HSP90AA1: variants seen among roughly 807,000 people sequenced by gnomAD.
The protein encoded by HSP90AA1 is heat shock protein 90 alpha family class A member 1, also known as heat shock protein HSP 90-alpha.
In HSP90AA1, 18 loss-of-function variants were observed where a neutral mutation model predicts 73.3. The ratio of observed to expected loss-of-function variants is 0.25; its 90% confidence interval spans 0.17 to 0.36. HSP90AA1 has a LOEUF of 0.36. Ranked by LOEUF, HSP90AA1 falls within the 10% of genes least tolerant of loss-of-function variation. The pLI is 1.00. For synonymous variants in HSP90AA1, 477 were observed against 296.9 expected (o/e 1.61, Z -6.24); for missense variants, 704 against 874.2 (o/e 0.81, Z 2.45).
upstream of HSP90AA1, among the ~76,000 whole-genome samples, chr14:102,088,178 T>C (rs1291998750): frequency 2.0e-5 from 3 of 152,154 alleles, no homozygotes; most frequent in Non-Finnish European, 4.4e-5. Flanking sequence ...TTGCCCAGGC[T>C]GGAAAAGCCA....
intron 1 of HSP90AA1, among the ~76,000 whole-genome samples, chr14:102,119,214 A>C (rs1157222307): frequency 6.6e-6 from 1 of 152,070 alleles, no homozygotes; most frequent in East Asian, 1.9e-4. Context: ...CTAGTATCCA[A>C]ACTATCCAAA....
intron 2 of HSP90AA1, among the ~76,000 whole-genome samples, chr14:102,098,224 TG>T (rs1395205887): frequency 2.0e-5 from 3 of 151,972 alleles, no homozygotes; most frequent in Non-Finnish European, 4.4e-5. Context: ...TGCAGTGGCC[TG>T]ATCTCGGCTC....
chr14:102,089,593 A>C (rs550758192), upstream of HSP90AA1, among the ~76,000 whole-genome samples: 8 of 152,090 alleles, frequency 5.3e-5, no homozygotes, highest in African/African-American at 1.9e-4. Context: ...CCCCCAGGAA[A>C]TCTTGTCCAG....
chr14:102,136,567 C>CAA (rs1165638280), intron 1 of HSP90AA1, among the ~76,000 whole-genome samples: 35,299 of 53,020 alleles, frequency 0.67, 12,702 homozygotes, highest in East Asian at 0.83. Flanking sequence ...AGACTCGTCT[C>CAA]AAAAAAAAAA....
chr14:102,103,809 C>CAA (rs200871890), intron 1 of HSP90AA1, among the ~76,000 whole-genome samples: 30 of 106,844 alleles, frequency 2.8e-4, no homozygotes, highest in Admixed American at 7.5e-4. Context: ...CGTCTCAAAA[C>CAA]AAAAAAAAAA....
rs769949267 is a variant in HSP90AA1 at position 102,085,768 on chromosome 14, C to T, written c.519G>A (p.Arg173=). 1.9e-6 allele frequency: 3 copies of T among 1,613,990 alleles called. No homozygotes were observed. The highest frequency in any genetic ancestry group is 1.7e-5 in the Admixed American group (1 of 60,010). Residue 173 remains arginine (R), a synonymous_variant, in exon 3 of 11, where the codon AGG becomes AGA. Coordinates refer to ENST00000216281, the MANE Select transcript of HSP90AA1 (RefSeq NM_005348.4). ...TGTTCAGGTGCCTACCTGTGTCTGT[C>T]CTCACTGTGAATGATCCCCCTGCTG... The part of the protein sequence containing the change: ...ESSAGGSFTV[R]TDTGEPMGRG...
At chr14:102,124,085 TTTATC>T (rs2049812060) in intron 1 of HSP90AA1, among the ~76,000 whole-genome samples, 1 of 152,094 alleles carries the variant, frequency 6.6e-6, no homozygotes, top group Admixed American at 6.6e-5. Context: ...GTCCAGCCTA[TTTATC>T]TTATTTTGTT....
chr14:102,085,666 T>C lies in HSP90AA1; in HGVS notation c.529+92A>G, dbSNP rs538732055. The stretch of plus-strand genomic sequence containing the variant: ...TCCTGATCGTTGGGCAAACACAAAT[T>C]CTGTAAGCTTCACCGCATCCCCAGG... On this transcript the variant is annotated intron_variant, in intron 3 of 10. Coordinates refer to ENST00000216281, the MANE Select transcript of HSP90AA1 (RefSeq NM_005348.4). 1.8e-4 allele frequency: 278 copies of C among 1,576,132 alleles called. 1 individual carries two copies. The highest frequency in any genetic ancestry group is 2.3e-4 in the Non-Finnish European group (268 of 1,147,584).
chr14:102,115,358 T>TA (rs1389048744), intron 1 of HSP90AA1, among the ~76,000 whole-genome samples: 1 of 151,916 alleles, frequency 6.6e-6, no homozygotes, highest in Non-Finnish European at 1.5e-5. Flanking sequence ...AAATAAACCT[T>TA]AGACTTCTGC....
intron 1 of HSP90AA1, among the ~76,000 whole-genome samples, chr14:102,119,380 T>C (rs1883452151): frequency 6.6e-6 from 1 of 152,186 alleles, no homozygotes; most frequent in Non-Finnish European, 1.5e-5. Flanking sequence ...AAAATTTTCA[T>C]CATAAAGATC....
At chr14:102,090,644 G>A (rs554939310), upstream of HSP90AA1, among the ~76,000 whole-genome samples, 2 of 152,148 alleles carry the variant, frequency 1.3e-5, no homozygotes, top group East Asian at 1.9e-4. Flanking sequence ...GTAGAGAGGG[G>A]GTTTCACCGT....
chr14:102,086,509 A>G (rs1307476322), intron 1 of HSP90AA1, 131 bp from the exon 2 acceptor site: 4 of 1,034,346 alleles, frequency 3.9e-6, no homozygotes, highest in African/African-American at 1.6e-5. Context: ...CCGAAAATAG[A>G]AGGGCGGCTG....
intron 2 of HSP90AA1, among the ~76,000 whole-genome samples, chr14:102,100,295 T>C (rs1027234213): frequency 1.3e-5 from 2 of 152,150 alleles, no homozygotes; most frequent in African/African-American, 4.8e-5. Context: ...AGGATAGCAG[T>C]GTTAGGAGCG....
intron 1 of HSP90AA1, among the ~76,000 whole-genome samples, chr14:102,114,647 TAATCCCCATTTTC>T (rs1156423317): frequency 1.6e-4 from 25 of 152,294 alleles, no homozygotes; most frequent in African/African-American, 4.8e-4. Flanking sequence ...CACACTCACG[TAATCCCCATTTTC>T]AAGAGACTAC....
At chr14:102,100,985 G>A (rs74083716) in intron 2 of HSP90AA1, among the ~76,000 whole-genome samples, 2,421 of 152,240 alleles carry the variant, frequency 0.016, 71 homozygotes, top group African/African-American at 0.056. Flanking sequence ...CTTCTAGTCA[G>A]TATTTTAGTA....
chr14:102,139,559 C>CA, exon 1 of HSP90AA1: 1 of 807,152 alleles, frequency 1.2e-6, no homozygotes, highest in Admixed American at 2.9e-5. Flanking sequence ...CTCATGACAC[C>CA]AGCCCCGCCG....
chr14:102,110,621 C>A (rs944024521), intron 1 of HSP90AA1, among the ~76,000 whole-genome samples: 2 of 151,236 alleles, frequency 1.3e-5, no homozygotes, highest in African/African-American at 4.8e-5. Context: ...GCTCTGTGGC[C>A]CAGGCTGGGG....
chr14:102,117,961 C>A, intron 1 of HSP90AA1, among the ~76,000 whole-genome samples: 1 of 152,200 alleles, frequency 6.6e-6, no homozygotes, highest in Non-Finnish European at 1.5e-5. Flanking sequence ...GTCCCTGGTC[C>A]AGCTGCAGCC....
chr14:102,131,880 A>G (rs2049910713), intron 1 of HSP90AA1, among the ~76,000 whole-genome samples: 4 of 152,094 alleles, frequency 2.6e-5, no homozygotes, highest in Admixed American at 2.6e-4. Flanking sequence ...ATGAGTGAGG[A>G]ATTCCTGTTT....
Sources: allele counts gnomAD v4.1 joint callset (sites outside exome capture counted in the v4.1 genomes callset), GRCh38; gene constraint gnomAD v4.1.1; transcripts MANE v1.5; gene names NCBI Gene and HGNC (gene_info 2026-07-23, HGNC 2026-07-21).